PXDNL: variants seen among roughly 807,000 people sequenced by gnomAD.
PXDNL encodes peroxidasin like.
A neutral mutation model predicts 150.8 loss-of-function variants in PXDNL; 145 were observed. That is an observed-to-expected ratio of 0.96 (90% CI 0.84 to 1.10). PXDNL has a LOEUF of 1.10. Ranked by LOEUF, PXDNL falls within the 50% of genes least tolerant of loss-of-function variation. The probability of loss-of-function intolerance (pLI) is 0.00; values close to 1 mark genes in which losing one functional copy is unlikely to be tolerated. For missense variants in PXDNL, 2,087 were observed against 1,873.9 expected, an observed-to-expected ratio of 1.11 and a Z score of -2.10; for synonymous variants, 757 against 725.7, an observed-to-expected ratio of 1.04 and a Z score of -0.69.
intron 1 of PXDNL, 51 bp downstream of exon 1, chr8:51,809,130 A>C (rs2037707958): frequency 1.3e-6 from 2 of 1,586,224 alleles, no homozygotes; most frequent in African/African-American, 2.7e-5. Context: ...CTAGCAGAGA[A>C]GCAATGAAGC....
chr8:51,481,160 A>G (rs1810596591), intron 6 of PXDNL, among the ~76,000 whole-genome samples: 1 of 152,154 alleles, frequency 6.6e-6, no homozygotes, highest in African/African-American at 2.4e-5. Flanking sequence ...CCTCCGAGAG[A>G]CTTGTTTAAT....
chr8:51,603,385 T>C (rs953700719), intron 2 of PXDNL, among the ~76,000 whole-genome samples: 1 of 152,038 alleles, frequency 6.6e-6, no homozygotes, highest in African/African-American at 2.4e-5. Context: ...ATCTAAACCA[T>C]CTTTTTAATC....
At chr8:51,628,356 T>G (rs1237401303) in intron 2 of PXDNL, among the ~76,000 whole-genome samples, 6 of 151,424 alleles carry the variant, frequency 4.0e-5, no homozygotes, top group Non-Finnish European at 5.9e-5. Flanking sequence ...TTTCTTTCTT[T>G]TCTTTCTTTC....
intron 1 of PXDNL, among the ~76,000 whole-genome samples, chr8:51,752,964 T>C (rs558919277): frequency 1.3e-5 from 2 of 152,366 alleles, no homozygotes; most frequent in Admixed American, 6.5e-5. Flanking sequence ...AAGACCAAGG[T>C]GTCTGCCAGA....
intron 5 of PXDNL, among the ~76,000 whole-genome samples, chr8:51,489,767 C>A (rs9298449): frequency 0.039 from 5,899 of 152,170 alleles, 370 homozygotes; most frequent in African/African-American, 0.13. Context: ...AACAGACAAC[C>A]TATCAACTAA....
At chr8:51,632,367 G>A (rs1178326644) in intron 2 of PXDNL, among the ~76,000 whole-genome samples, 2 of 152,152 alleles carry the variant, frequency 1.3e-5, no homozygotes, top group East Asian at 1.9e-4. Flanking sequence ...TTGGGAAGCT[G>A]AGGCAGGCAG....
At chr8:51,766,598 C>T (rs2037234250) in intron 1 of PXDNL, among the ~76,000 whole-genome samples, 1 of 152,136 alleles carries the variant, frequency 6.6e-6, no homozygotes, top group South Asian at 2.1e-4. Context: ...GATAACTTTG[C>T]TGGATATGCA....
At position 51,369,930 on chromosome 8, in the gene PXDNL, C is replaced by T. The variant is rs545201677; in HGVS notation, c.3901+1943G>A. On this transcript the variant is annotated intron_variant, in intron 19 of 22. Coordinates refer to ENST00000356297, the MANE Select transcript of PXDNL (RefSeq NM_144651.5). ...GAGGAGCCCTCCTCCGAGTCTTCAA[C>T]ATGGAACAATGGCAATGGGGGGAGG... 6.6e-5 allele frequency among the ~76,000 whole-genome samples: 10 copies of T among 152,268 alleles called. 1 individual carries two copies. Among genetic ancestry groups the T allele is most frequent in the African/African-American group, 2.2e-4 (9 of 41,556 alleles).
intron 1 of PXDNL, among the ~76,000 whole-genome samples, chr8:51,702,956 A>G (rs1816288364): frequency 6.6e-6 from 1 of 152,114 alleles, no homozygotes; most frequent in Admixed American, 6.6e-5. Flanking sequence ...TAGATTCCAC[A>G]TTTTTCATTA....
At chr8:51,373,160 G>A (rs1035180956) in intron 18 of PXDNL, among the ~76,000 whole-genome samples, 2 of 152,192 alleles carry the variant, frequency 1.3e-5, no homozygotes, top group Non-Finnish European at 1.5e-5. Flanking sequence ...TAGATCACGT[G>A]TGTGAGCCCT....
At chr8:51,754,093 TAC>T (rs949359404) in intron 1 of PXDNL, among the ~76,000 whole-genome samples, 14 of 152,212 alleles carry the variant, frequency 9.2e-5, no homozygotes, top group African/African-American at 3.1e-4. Flanking sequence ...TCAGAAAATG[TAC>T]AGTGTTTGCT....
chr8:51,654,814 A>G, intron 1 of PXDNL, 54 bp from the exon 2 acceptor site: 2 of 1,371,318 alleles, frequency 1.5e-6, no homozygotes, highest in Non-Finnish European at 2.1e-6. Context: ...GCATTCTGCC[A>G]TTATTTCCAG....
chr8:51,386,687 C>A (rs4546651), intron 17 of PXDNL, among the ~76,000 whole-genome samples: 9 of 151,782 alleles, frequency 5.9e-5, no homozygotes, highest in Non-Finnish European at 1.0e-4. Flanking sequence ...CATGGTGGCA[C>A]GCACCTGTAG....
At chr8:51,684,263 T>C (rs1014112012) in intron 1 of PXDNL, among the ~76,000 whole-genome samples, 1 of 152,214 alleles carries the variant, frequency 6.6e-6, no homozygotes, top group African/African-American at 2.4e-5. Flanking sequence ...AAGCAAAAGT[T>C]AAGACTAGGA....
chr8:51,380,464 C>G (rs1263351857), intron 17 of PXDNL, among the ~76,000 whole-genome samples: 1 of 151,224 alleles, frequency 6.6e-6, no homozygotes, highest in Non-Finnish European at 1.5e-5. Flanking sequence ...TGTTCGTTGT[C>G]TCCACTCTTT....
chr8:51,586,998 T>A (rs1813339460), intron 3 of PXDNL, among the ~76,000 whole-genome samples: 2 of 152,160 alleles, frequency 1.3e-5, no homozygotes, highest in Admixed American at 1.3e-4. Context: ...TGCATCAGTT[T>A]TTTGCCCCAT....
At chr8:51,664,530 C>T (rs997296264) in intron 1 of PXDNL, among the ~76,000 whole-genome samples, 2 of 152,162 alleles carry the variant, frequency 1.3e-5, no homozygotes, top group African/African-American at 2.4e-5. Context: ...AATACCAGCC[C>T]ATTTGCACGT....
Position 51,556,825 on chromosome 8 carries a change from G to C in PXDNL, c.380+15C>G. The C allele has an allele frequency of 7.0e-7, 1 of 1,429,708 alleles. No individual in the cohort carries two copies. The highest frequency in any genetic ancestry group is 9.9e-7 in the Non-Finnish European group (1 of 1,014,832). 88.6% of individuals were successfully genotyped at this position (1,429,708 alleles called of 1,614,324 possible). A position where few individuals can be genotyped will look rare whatever the true frequency, so the allele number is the denominator to read the frequency against. ...TCACCATGAGTGATTTAATAAAAAA[G>C]TTTCTATTACTTACAGATGTTCCAA... On this transcript the variant is annotated intron_variant, in intron 4 of 22. Coordinates refer to ENST00000356297, the MANE Select transcript of PXDNL (RefSeq NM_144651.5).
intron 19 of PXDNL, among the ~76,000 whole-genome samples, chr8:51,348,753 T>G (rs921249731): frequency 2.0e-5 from 3 of 152,180 alleles, no homozygotes; most frequent in African/African-American, 7.2e-5. Context: ...TAACCTATAC[T>G]CAATATTATC....
Sources: gnomAD v4.1 joint callset for allele counts (sites outside exome capture counted in the v4.1 genomes callset) on GRCh38, gnomAD v4.1.1 for gene constraint, MANE v1.5 for transcripts, NCBI Gene and HGNC (gene_info 2026-07-23, HGNC 2026-07-21) for gene names.